LYN: variants seen among roughly 807,000 people sequenced by gnomAD.
LYN encodes the protein LYN proto-oncogene, Src family tyrosine kinase.
Under a neutral mutation model 65.0 loss-of-function variants are expected in LYN, and 12 were observed. The ratio of observed to expected loss-of-function variants is 0.18; its 90% CI spans 0.12 to 0.30. The LOEUF (loss-of-function observed/expected upper bound fraction) is 0.30. Ranked by LOEUF, LYN falls within the 10% of genes least tolerant of loss-of-function variation. The pLI is 1.00. For missense variants in LYN, 380 were observed against 623.2 expected, an observed-to-expected ratio of 0.61 and a Z score of 4.16; for synonymous variants, 222 against 221.2, an observed-to-expected ratio of 1.00 and a Z score of -0.03.
At chr8:55,951,125 C>T (rs1482515451) in intron 6 of LYN, among the ~76,000 whole-genome samples, 1 of 151,820 alleles carries the variant, frequency 6.6e-6, no homozygotes, top group African/African-American at 2.4e-5. Flanking sequence ...TGCCTATAGT[C>T]CCAGCTACTC....
At chr8:55,905,603 C>T (rs1805396860) in intron 1 of LYN, among the ~76,000 whole-genome samples, 1 of 152,090 alleles carries the variant, frequency 6.6e-6, no homozygotes. Flanking sequence ...AAAAGGGAAC[C>T]ACAAATGTCC....
chr8:56,005,704 T>A (rs1180539532), intron 12 of LYN, among the ~76,000 whole-genome samples: 4 of 152,136 alleles, frequency 2.6e-5, no homozygotes, highest in Non-Finnish European at 5.9e-5. Flanking sequence ...AAAAAGAAAA[T>A]AGTGAGGAGG....
In LYN at chr8:55,924,523, C is replaced by T. The variant is rs556980521; in HGVS notation, c.-5-17332C>T. ...GATTACAGGCGTCCACCCACCATGC[C>T]CGGCTTATTTTTGTATTTTTAGTAG... On this transcript the variant is annotated intron_variant, in intron 1 of 12. Coordinates refer to ENST00000519728, the MANE Select transcript of LYN (RefSeq NM_002350.4). Among the ~76,000 whole-genome samples the T allele has an allele frequency of 2.5e-3, 372 of 151,724 alleles. 1 individual carries two copies. The highest frequency in any genetic ancestry group is 8.6e-3 in the African/African-American group (357 of 41,354).
chr8:55,969,844 T>C (rs1402345332), intron 10 of LYN, 51 bp downstream of exon 10: 7 of 1,434,366 alleles, frequency 4.9e-6, no homozygotes, highest in Non-Finnish European at 6.9e-6. Context: ...AAGACTTCCC[T>C]GCGTCAAATT....
intron 2 of LYN, among the ~76,000 whole-genome samples, chr8:55,942,395 G>GTATATATATATGTGTA (rs35946646): frequency 7.7e-6 from 1 of 130,682 alleles, no homozygotes; most frequent in African/African-American, 3.1e-5. Context: ...ATATATATGT[G>GTATATATATATGTGTA]TATATATGTG....
rs45489500 is a variant in LYN, at chr8:56,010,483, A to G, written c.*373A>G. The G allele has an allele frequency of 2.1e-3, 629 of 295,622 alleles. 9 individuals are homozygous for G. In the East Asian group the frequency reaches 0.027, roughly 13 times the overall value. 18.3% of individuals were successfully genotyped at this position (295,622 alleles called of 1,614,324 possible). A position where few individuals can be genotyped will look rare whatever the true frequency, so the allele number is the denominator to read the frequency against. ...TCAGAGACCATTGCAATGAATCCCCAATAATTGCAGAACTAAACTCATTTA... is the reference window on the plus strand; with the variant it reads ...TCAGAGACCATTGCAATGAATCCCCGATAATTGCAGAACTAAACTCATTTA... On this transcript the variant is annotated 3_prime_UTR_variant, in exon 13 of 13. Coordinates refer to ENST00000519728, the MANE Select transcript of LYN (RefSeq NM_002350.4).
chr8:55,979,508 A>C (rs1415193987), intron 10 of LYN, among the ~76,000 whole-genome samples: 2 of 152,194 alleles, frequency 1.3e-5, no homozygotes, highest in Non-Finnish European at 2.9e-5. Context: ...GTAGCTATGC[A>C]TTTGTGTCTG....
intron 12 of LYN, among the ~76,000 whole-genome samples, chr8:56,002,239 G>A (rs1808533433): frequency 6.6e-6 from 1 of 152,082 alleles, no homozygotes; most frequent in South Asian, 2.1e-4. Context: ...CTAATATGGT[G>A]AAACCCCATC....
At chr8:55,886,845 CTTAAATATTTGT>C (rs1415782716) in intron 1 of LYN, among the ~76,000 whole-genome samples, 1 of 152,200 alleles carries the variant, frequency 6.6e-6, no homozygotes, top group African/African-American at 2.4e-5. Flanking sequence ...TAGCCATCAC[CTTAAATATTTGT>C]TTTCTTTTTA....
intron 1 of LYN, among the ~76,000 whole-genome samples, chr8:55,910,899 G>GTTTTT (rs767304702): frequency 8.1e-6 from 1 of 123,430 alleles, no homozygotes; most frequent in African/African-American, 3.0e-5. Context: ...TACTAATTTT[G>GTTTTT]TTTTTTTTTT....
chr8:55,916,331 C>G (rs575927682), intron 1 of LYN, among the ~76,000 whole-genome samples: 4 of 152,232 alleles, frequency 2.6e-5, no homozygotes, highest in Admixed American at 2.0e-4. Context: ...AAGGCTGTTT[C>G]CTATTACCTA....
intron 1 of LYN, among the ~76,000 whole-genome samples, chr8:55,888,436 A>AT (rs1290412055): frequency 2.0e-5 from 3 of 152,188 alleles, no homozygotes; most frequent in Admixed American, 6.5e-5. Context: ...TATGAAGCTA[A>AT]TCTTTTTGTC....
chr8:55,940,722 TG>T (rs201934219), intron 1 of LYN, among the ~76,000 whole-genome samples: 1,598 of 152,310 alleles, frequency 0.01, 26 homozygotes, highest in African/African-American at 0.036. Context: ...AGACAAGAAC[TG>T]TGTCTGATTC....
At chr8:55,965,927 C>G (rs1359805645) in intron 8 of LYN, among the ~76,000 whole-genome samples, 1 of 152,062 alleles carries the variant, frequency 6.6e-6, no homozygotes, top group Non-Finnish European at 1.5e-5. Context: ...GAGTTTGAGA[C>G]TAGCCTGGCC....
At chr8:55,981,285 T>C (rs1306284010) in intron 10 of LYN, among the ~76,000 whole-genome samples, 1 of 152,208 alleles carries the variant, frequency 6.6e-6, no homozygotes, top group Non-Finnish European at 1.5e-5. Flanking sequence ...GCCCATTTCT[T>C]CCATAGCGTG....
chr8:55,888,157 A>G (rs1259132042), intron 1 of LYN, among the ~76,000 whole-genome samples: 1 of 152,192 alleles, frequency 6.6e-6, no homozygotes, highest in Non-Finnish European at 1.5e-5. Flanking sequence ...TTTCCTGGGT[A>G]GCTACTGGGA....
chr8:55,969,335 T>C (rs1270256682), intron 9 of LYN, among the ~76,000 whole-genome samples: 1 of 152,194 alleles, frequency 6.6e-6, no homozygotes, highest in Non-Finnish European at 1.5e-5. Context: ...TGAATACAGA[T>C]GGGAGTGAGC....
rs145011760 is a variant in LYN, at chr8:56,008,123, A to AAAAAAAAAAG, written c.1337-1780_1337-1779insAAAAGAAAAA. ...GAAAGAGGGAGACTCTGCCTCAAAA[A>AAAAAAAAAAG]AAAAATAAAATAAAATAAAATAAAA... On this transcript the variant is annotated intron_variant, in intron 12 of 12. Transcript: ENST00000519728. Among the ~76,000 whole-genome samples the AAAAAAAAAAG allele has an allele frequency of 1.4e-5, 2 of 140,672 alleles. 1 individual carries two copies. Among genetic ancestry groups the AAAAAAAAAAG allele is most frequent in the Non-Finnish European group, 3.1e-5 (2 of 64,094 alleles). 92.3% of individuals were successfully genotyped at this position (140,672 alleles called of 152,430 possible).
chr8:55,964,240 T>C (rs1300559083), intron 8 of LYN, among the ~76,000 whole-genome samples: 1 of 152,164 alleles, frequency 6.6e-6, no homozygotes, highest in African/African-American at 2.4e-5. Context: ...TTTTTTGTTT[T>C]GTTTTAGAGA....
Sources: allele counts gnomAD v4.1 joint callset (sites outside exome capture counted in the v4.1 genomes callset), GRCh38; gene constraint gnomAD v4.1.1; transcripts MANE v1.5; gene names NCBI Gene and HGNC (gene_info 2026-07-23, HGNC 2026-07-21).